Variants in B3GAT2 observed in about 807,000 individuals in gnomAD.
B3GAT2 encodes beta-1,3-glucuronyltransferase 2, also known as galactosylgalactosylxylosylprotein 3-beta-glucuronosyltransferase 2.
A neutral mutation model predicts 27.8 loss-of-function variants in B3GAT2; 26 were observed. The observed-to-expected ratio is 0.93, with a 90% confidence interval of 0.68 to 1.30. The LOEUF (loss-of-function observed/expected upper bound fraction) is 1.30, where lower values mean the gene tolerates loss of function less well. B3GAT2 is among the 50% of genes most tolerant of loss of function. B3GAT2 has a pLI of 0.00. For synonymous variants in B3GAT2, 218 were observed against 195.1 expected, an observed-to-expected ratio of 1.12 and a Z score of -0.98; for missense variants, 458 against 459.0, an observed-to-expected ratio of 1.00 and a Z score of 0.02.
intron 1 of B3GAT2, among the ~76,000 whole-genome samples, chr6:70,902,178 G>C (rs1221574162): frequency 1.3e-5 from 2 of 152,144 alleles, no homozygotes; most frequent in Non-Finnish European, 2.9e-5. Context: ...TTAGTGTAAG[G>C]ATAAATACAT....
At chr6:70,909,578 G>A (rs1435925210) in intron 1 of B3GAT2, among the ~76,000 whole-genome samples, 4 of 152,152 alleles carry the variant, frequency 2.6e-5, no homozygotes, top group Non-Finnish European at 5.9e-5. Context: ...ATTGACAGCT[G>A]TATCAGAAGG....
intron 1 of B3GAT2, among the ~76,000 whole-genome samples, chr6:70,906,557 C>G (rs1772605912): frequency 6.6e-6 from 1 of 151,842 alleles, no homozygotes. Context: ...CCAGGCTGGT[C>G]TCAAACTCCT....
chr6:70,895,756 A>G (rs1014806846), intron 1 of B3GAT2, among the ~76,000 whole-genome samples: 6 of 151,624 alleles, frequency 4.0e-5, no homozygotes, highest in African/African-American at 1.5e-4. Context: ...TAAAGTTACT[A>G]TTTTTTATAA....
chr6:70,938,142 T>C (rs1432239575), intron 1 of B3GAT2, among the ~76,000 whole-genome samples: 1 of 149,442 alleles, frequency 6.7e-6, no homozygotes, highest in Non-Finnish European at 1.5e-5. Flanking sequence ...ATGAGTGAAC[T>C]CCCATGCACA....
intron 1 of B3GAT2, among the ~76,000 whole-genome samples, chr6:70,947,505 C>G (rs950120871): frequency 1.3e-5 from 2 of 151,980 alleles, no homozygotes; most frequent in African/African-American, 4.8e-5. Flanking sequence ...TTCCTCGACA[C>G]ATACACCCTC....
chr6:70,883,546 G>A (rs776873956), intron 2 of B3GAT2, among the ~76,000 whole-genome samples: 2 of 151,758 alleles, frequency 1.3e-5, no homozygotes. Flanking sequence ...AAGTAGAATT[G>A]TGGTAACCAG....
At chr6:70,893,375 T>C (rs1413629608) in intron 2 of B3GAT2, among the ~76,000 whole-genome samples, 6 of 151,852 alleles carry the variant, frequency 4.0e-5, no homozygotes, top group African/African-American at 1.4e-4. Context: ...CCTTTCTGCC[T>C]TCATTTTTAA....
At position 70,953,792 on chromosome 6, in the gene B3GAT2, T is replaced by C. The variant is rs1205443532; in HGVS notation, c.591+2047A>G. On this transcript the variant is annotated intron_variant, in intron 1 of 3. Transcript: ENST00000230053. ...TGCGTTTTTCCTTTATAATGTCCTC[T>C]CTGACAACACTATTTTTTTCTCCTT... Among the ~76,000 whole-genome samples, 4 of 152,354 alleles carry C rather than the reference T, an allele frequency of 2.6e-5. No individual in the cohort carries two copies. The East Asian group carries it at 7.7e-4, about 29-fold the overall frequency.
chr6:70,875,399 G>T (rs572144992), intron 2 of B3GAT2, among the ~76,000 whole-genome samples: 1 of 152,200 alleles, frequency 6.6e-6, no homozygotes, highest in African/African-American at 2.4e-5. Flanking sequence ...AATATAGAAA[G>T]CAGAAAAGAA....
At chr6:70,899,703 C>T (rs776907312) in intron 1 of B3GAT2, among the ~76,000 whole-genome samples, 17 of 152,130 alleles carry the variant, frequency 1.1e-4, no homozygotes, top group Non-Finnish European at 2.2e-4. Flanking sequence ...GTGTGCCAGA[C>T]ATTTCAAAGG....
At position 70,956,802 on chromosome 6, in the gene B3GAT2, C is replaced by T. The variant is rs531514113; in HGVS notation, c.-373G>A. On this transcript the variant is annotated 5_prime_UTR_variant, in exon 1 of 4. The change creates a new upstream start codon in the 5' untranslated region. Coordinates refer to ENST00000230053, the MANE Select transcript of B3GAT2 (RefSeq NM_080742.3). Reference sequence around the variant, plus strand: ...GAAGAGTGGAAGCCGAGAAGCGGCACCCGGTGCGCCTCGCCGCTCCAGTCC... The same window carrying T: ...GAAGAGTGGAAGCCGAGAAGCGGCATCCGGTGCGCCTCGCCGCTCCAGTCC... 8.3e-6 allele frequency: 9 copies of T among 1,077,878 alleles called. No homozygotes were observed. The South Asian group carries it at 8.8e-5, about 11-fold the overall frequency. The allele number at this position is 1,077,878 out of a possible 1,614,324, so 66.8% of individuals were successfully genotyped here.
At chr6:70,911,553 C>T (rs1013264867) in intron 1 of B3GAT2, among the ~76,000 whole-genome samples, 1 of 152,184 alleles carries the variant, frequency 6.6e-6, no homozygotes, top group East Asian at 1.9e-4. Flanking sequence ...TGTAAGCTTG[C>T]AGTACAGTTT....
At chr6:70,882,783 G>A (rs1582349913) in intron 2 of B3GAT2, among the ~76,000 whole-genome samples, 2 of 152,282 alleles carry the variant, frequency 1.3e-5, no homozygotes, top group South Asian at 2.1e-4. Context: ...ATGCCGCAGA[G>A]GAAAGGCCAT....
At chr6:70,885,372 T>G (rs1716011) in intron 2 of B3GAT2, among the ~76,000 whole-genome samples, 50,551 of 152,128 alleles carry the variant, frequency 0.33, 13,099 homozygotes, top group African/African-American at 0.7. Flanking sequence ...CAAGTGCTGT[T>G]TGTTTAGATT....
At chr6:70,870,619 G>GA (rs1325009466) in intron 2 of B3GAT2, among the ~76,000 whole-genome samples, 2 of 151,906 alleles carry the variant, frequency 1.3e-5, no homozygotes, top group East Asian at 1.9e-4. Flanking sequence ...AAACCCTCAA[G>GA]AAAATCTCTT....
chr6:70,916,056 T>C (rs1287361637), intron 1 of B3GAT2, among the ~76,000 whole-genome samples: 1 of 152,178 alleles, frequency 6.6e-6, no homozygotes, highest in Non-Finnish European at 1.5e-5. Context: ...TCCATTTGTT[T>C]GTATCCTCTT....
chr6:70,901,480 A>G (rs1405948526), intron 1 of B3GAT2, among the ~76,000 whole-genome samples: 3 of 152,224 alleles, frequency 2.0e-5, no homozygotes, highest in African/African-American at 7.2e-5. Context: ...GAACAAACCC[A>G]CATTGGTGTG....
rs68188898 is a variant in B3GAT2 at position 70,858,287 on chromosome 6, C to CTTTTTTT, written c.*3369_*3375dup. 1 of 255,138 alleles carries CTTTTTTT rather than the reference C, an allele frequency of 3.9e-6. No homozygotes were observed. The highest frequency in any genetic ancestry group is 6.4e-6 in the Non-Finnish European group (1 of 155,436). The allele number at this position is 255,138 out of a possible 1,614,324, so 15.8% of individuals were successfully genotyped here. A position where few individuals can be genotyped will look rare whatever the true frequency, so the allele number is the denominator to read the frequency against. On this transcript the variant is annotated 3_prime_UTR_variant, in exon 4 of 4. Coordinates refer to ENST00000230053, the MANE Select transcript of B3GAT2 (RefSeq NM_080742.3). ...ATCAAACCAGATTTATTTTCTAAAT[C>CTTTTTTT]TTTTTTTTTTTTTTTTTTTTTTTTT... is the stretch of plus-strand genomic sequence containing the variant.
chr6:70,920,220 C>T (rs1386336029), intron 1 of B3GAT2, among the ~76,000 whole-genome samples: 3 of 152,182 alleles, frequency 2.0e-5, no homozygotes, highest in Admixed American at 6.5e-5. Context: ...GAGCGTGGGA[C>T]CCACCGAGCA....
Sources: allele counts gnomAD v4.1 joint callset (sites outside exome capture counted in the v4.1 genomes callset), GRCh38; gene constraint gnomAD v4.1.1; transcripts MANE v1.5; gene names NCBI Gene and HGNC (gene_info 2026-07-23, HGNC 2026-07-21).